GPATCH1: variants seen among roughly 807,000 people sequenced by gnomAD.
GPATCH1 encodes G patch domain-containing protein 1.
Under a neutral mutation model 114.9 loss-of-function variants are expected in GPATCH1, and 73 were observed. The observed-to-expected ratio is 0.64, with a 90% CI of 0.53 to 0.77. The LOEUF (loss-of-function observed/expected upper bound fraction) is 0.77, where lower values mean the gene tolerates loss of function less well. Ranked by LOEUF, GPATCH1 falls within the 30% of genes least tolerant of loss-of-function variation. The pLI, the probability that GPATCH1 is intolerant of heterozygous loss-of-function variation, is 0.00. For missense variants in GPATCH1, 1,058 were observed against 1,144.3 expected, an observed-to-expected ratio of 0.92 and a Z score of 1.09; for synonymous variants, 391 against 428.4, an observed-to-expected ratio of 0.91 and a Z score of 1.08.
intron 12 of GPATCH1, among the ~76,000 whole-genome samples, 164 bp downstream of exon 12, chr19:33,112,066 A>T (rs1041531845): frequency 2.6e-5 from 4 of 152,062 alleles, no homozygotes; most frequent in African/African-American, 9.7e-5. Context: ...CCTGGGTTCA[A>T]GCGATTCTCC....
chr19:33,096,497 A>ACTTT, intron 7 of GPATCH1, 51 bp downstream of exon 7: 3 of 1,443,348 alleles, frequency 2.1e-6, no homozygotes, highest in Non-Finnish European at 1.9e-6. Flanking sequence ...AAATGAGTCT[A>ACTTT]CTTTCTTTCT....
At chr19:33,108,808 C>T (rs866144810) in intron 10 of GPATCH1, among the ~76,000 whole-genome samples, 4 of 152,168 alleles carry the variant, frequency 2.6e-5, no homozygotes, top group African/African-American at 9.7e-5. Flanking sequence ...TACTCGGAAC[C>T]AGGGCTAGTG....
intron 12 of GPATCH1, 125 bp from the exon 13 acceptor site, chr19:33,112,361 A>G: frequency 1.0e-6 from 1 of 991,714 alleles, no homozygotes; most frequent in Non-Finnish European, 1.5e-6. Flanking sequence ...AATGTACTGG[A>G]GCATAAATGT....
chr19:33,127,214 T>C (rs1973051347), intron 19 of GPATCH1, among the ~76,000 whole-genome samples: 1 of 151,544 alleles, frequency 6.6e-6, no homozygotes, highest in African/African-American at 2.4e-5. Context: ...GATATGTGAA[T>C]ATATTATCAT....
At chr19:33,098,066 A>G (rs1230913710) in intron 8 of GPATCH1, among the ~76,000 whole-genome samples, 164 bp downstream of exon 8, 1 of 152,260 alleles carries the variant, frequency 6.6e-6, no homozygotes, top group Non-Finnish European at 1.5e-5. Context: ...AAACAAATGC[A>G]GGATTCAGAC....
At chr19:33,124,819 G>C (rs1180201409) in intron 17 of GPATCH1, among the ~76,000 whole-genome samples, 1 of 152,134 alleles carries the variant, frequency 6.6e-6, no homozygotes, top group Admixed American at 6.6e-5. Flanking sequence ...TGGGCTTTCT[G>C]GTCCGACTTT....
chr19:33,123,963 C>T (rs1973013018), intron 17 of GPATCH1, among the ~76,000 whole-genome samples: 1 of 151,868 alleles, frequency 6.6e-6, no homozygotes, highest in African/African-American at 2.4e-5. Flanking sequence ...AAGTGATTCT[C>T]CTGCCTCAGC....
intron 1 of GPATCH1, among the ~76,000 whole-genome samples, chr19:33,087,445 A>G (rs1972544655): frequency 6.6e-6 from 1 of 152,096 alleles, no homozygotes; most frequent in Non-Finnish European, 1.5e-5. Context: ...AAGTAGGAAA[A>G]GGAATAGGTT....
intron 11 of GPATCH1, among the ~76,000 whole-genome samples, chr19:33,110,922 C>G (rs1399450707): frequency 6.6e-6 from 1 of 150,518 alleles, no homozygotes; most frequent in Non-Finnish European, 1.5e-5. Flanking sequence ...GAGTTCAAGA[C>G]CAGCCTGGGC....
intron 17 of GPATCH1, among the ~76,000 whole-genome samples, chr19:33,119,697 C>CAAA (rs34270215): frequency 7.8e-6 from 1 of 128,590 alleles, no homozygotes; most frequent in African/African-American, 2.8e-5. Flanking sequence ...GACTCTGCCT[C>CAAA]AAAAAAAAAA....
chr19:33,112,861 A>T (rs2145329653), intron 13 of GPATCH1: 2 of 343,366 alleles, frequency 5.8e-6, no homozygotes, highest in Non-Finnish European at 1.1e-5. Flanking sequence ...ATGTCAAGTT[A>T]CAAAAGCATT....
intron 3 of GPATCH1, 60 bp from the exon 4 acceptor site, chr19:33,093,299 G>T: frequency 9.5e-7 from 1 of 1,056,450 alleles, no homozygotes; most frequent in African/African-American, 1.6e-5. Context: ...ATAAAACTAT[G>T]TGATGTATTG....
chr19:33,086,814 A>G (rs1972538732), intron 1 of GPATCH1, among the ~76,000 whole-genome samples: 1 of 151,854 alleles, frequency 6.6e-6, no homozygotes, highest in African/African-American at 2.4e-5. Flanking sequence ...TAGGTCTTTA[A>G]ACCTGGGCTC....
chr19:33,117,541 G>A (rs544014213), intron 15 of GPATCH1, among the ~76,000 whole-genome samples: 206 of 152,158 alleles, frequency 1.4e-3, no homozygotes, highest in Non-Finnish European at 2.5e-3. Flanking sequence ...TGATCCACCC[G>A]CCTAGGCCTC....
At chr19:33,129,419 A>T (rs1440798069) in intron 19 of GPATCH1, among the ~76,000 whole-genome samples, 2 of 136,404 alleles carry the variant, frequency 1.5e-5, no homozygotes, top group Non-Finnish European at 3.1e-5. Context: ...TAAAAAAATT[A>T]AAAAAAAAAA....
intron 19 of GPATCH1, among the ~76,000 whole-genome samples, chr19:33,127,971 G>A (rs1417105831): frequency 1.3e-5 from 2 of 152,146 alleles, no homozygotes; most frequent in Non-Finnish European, 2.9e-5. Flanking sequence ...ACCCACCTTG[G>A]CCTCTGAGTG....
At chr19:33,102,886 C>G (rs1285020707) in intron 9 of GPATCH1, among the ~76,000 whole-genome samples, 1 of 152,190 alleles carries the variant, frequency 6.6e-6, no homozygotes, top group Non-Finnish European at 1.5e-5. Flanking sequence ...GGCAAGGTTC[C>G]CTGGCCTCCT....
In GPATCH1 at chr19:33,095,749, ATC is replaced by A. The variant is rs199809780; in HGVS notation, c.554-9_554-8del. 1,073 of 1,598,270 alleles carry A rather than the reference ATC, an allele frequency of 6.7e-4. 5 individuals carry two copies. The African/African-American group carries it at 0.012, about 18-fold the overall frequency. ...GTCACTCATGACTATTGCATTTGAA[ATC>A]TCTTTTCTAGATCCTGGAGTCAAAA... On this transcript the variant is annotated splice_polypyrimidine_tract_variant and intron_variant, in intron 5 of 19. Transcript: ENST00000170564.
chr19:33,117,796 C>T (rs766666911), intron 15 of GPATCH1, 29 bp from the exon 16 acceptor site: 2 of 1,521,448 alleles, frequency 1.3e-6, no homozygotes, highest in Non-Finnish European at 1.8e-6. Context: ...GCCTCTGTAT[C>T]CCTGACTCTT....
Sources: gnomAD v4.1 joint callset for allele counts (sites outside exome capture counted in the v4.1 genomes callset) on GRCh38, gnomAD v4.1.1 for gene constraint, MANE v1.5 for transcripts, NCBI Gene and HGNC (gene_info 2026-07-23, HGNC 2026-07-21) for gene names.